Variants in WWOX observed in about 807,000 individuals in gnomAD.
WWOX encodes the protein WW domain-containing oxidoreductase.
WWOX carries 69 observed loss-of-function variants against 46.2 expected under a neutral mutation model. The ratio of observed to expected loss-of-function variants is 1.49; its 90% confidence interval spans 1.23 to 1.82. WWOX has a LOEUF of 1.82. Ranked by LOEUF, WWOX falls within the 40% of genes most tolerant of loss-of-function variation. The pLI is 0.00. For synonymous variants in WWOX, 359 were observed against 202.6 expected (o/e 1.77, Z -6.56); for missense variants, 919 against 542.6 (o/e 1.69, Z -6.89).
intron 8 of WWOX, among the ~76,000 whole-genome samples, chr16:78,845,163 G>A (rs1371262785): frequency 7.5e-6 from 1 of 133,778 alleles, no homozygotes. Flanking sequence ...AAATACCAAA[G>A]TACTTCTATG....
At chr16:78,853,694 C>T (rs115467847) in intron 8 of WWOX, among the ~76,000 whole-genome samples, 2 of 152,114 alleles carry the variant, frequency 1.3e-5, no homozygotes, top group East Asian at 3.9e-4. Context: ...GTAGTATGCA[C>T]TCTCCTGCGT....
At chr16:79,030,877 G>T (rs762353224) in intron 8 of WWOX, among the ~76,000 whole-genome samples, 5 of 152,036 alleles carry the variant, frequency 3.3e-5, no homozygotes, top group African/African-American at 9.7e-5. Context: ...GAGCCCAGGA[G>T]CTTAAGACCA....
chr16:78,346,870 A>G (rs1280152263), intron 5 of WWOX, among the ~76,000 whole-genome samples: 1 of 117,560 alleles, frequency 8.5e-6, no homozygotes, highest in South Asian at 2.6e-4. Flanking sequence ...ATGCCTGGCT[A>G]ATTTTTGTGT....
At chr16:78,210,613 C>T (rs1025870491) in intron 5 of WWOX, among the ~76,000 whole-genome samples, 1 of 152,176 alleles carries the variant, frequency 6.6e-6, no homozygotes, top group Non-Finnish European at 1.5e-5. Flanking sequence ...CTTAGTCACC[C>T]AAAACCTGTT....
chr16:78,422,908 T>C lies in WWOX; in HGVS notation c.606-1962T>C, dbSNP rs1354496451. Among the ~76,000 whole-genome samples, 16 of 147,722 alleles carry C rather than the reference T, an allele frequency of 1.1e-4. No homozygotes were observed. The East Asian group carries it at 3.2e-3, about 30-fold the overall frequency. On this transcript the variant is annotated intron_variant, in intron 6 of 8. Coordinates refer to ENST00000566780, the MANE Select transcript of WWOX (RefSeq NM_016373.4). ...ACATATATTTTTTTTTTCTTTTAGA[T>C]GGAGTGTCTCTCTGTTGCCCAGGCT... is the stretch of plus-strand genomic sequence containing the variant.
At chr16:79,105,669 T>G (rs993420522) in intron 8 of WWOX, among the ~76,000 whole-genome samples, 3 of 151,834 alleles carry the variant, frequency 2.0e-5, no homozygotes, top group South Asian at 2.1e-4. Context: ...TGTTTTTTTT[T>G]TTTTTGTTTG....
intron 8 of WWOX, among the ~76,000 whole-genome samples, chr16:79,009,078 G>A (rs1289926560): frequency 6.6e-6 from 1 of 152,218 alleles, no homozygotes; most frequent in Non-Finnish European, 1.5e-5. Context: ...GATCCACGGA[G>A]CTGGCAGAGG....
chr16:78,810,625 A>G (rs779732252), intron 8 of WWOX, among the ~76,000 whole-genome samples: 3 of 152,086 alleles, frequency 2.0e-5, no homozygotes, highest in East Asian at 1.9e-4. Context: ...ACCTCCCATT[A>G]TTTCTTCCGC....
chr16:78,707,531 C>G (rs971883200), intron 8 of WWOX, among the ~76,000 whole-genome samples: 2 of 152,154 alleles, frequency 1.3e-5, no homozygotes, highest in African/African-American at 2.4e-5. Context: ...CTCTCTCTTG[C>G]CATATCAGGA....
intron 8 of WWOX, among the ~76,000 whole-genome samples, chr16:78,947,332 C>T (rs1332916664): frequency 2.0e-5 from 3 of 152,126 alleles, no homozygotes; most frequent in Admixed American, 2.0e-4. Context: ...TAGCTTCAAA[C>T]ACCATTTTTT....
intron 8 of WWOX, among the ~76,000 whole-genome samples, chr16:78,614,541 G>C (rs1240412668): frequency 6.6e-6 from 1 of 152,160 alleles, no homozygotes; most frequent in Non-Finnish European, 1.5e-5. Context: ...GCTGACCTTG[G>C]GGAGCAGATT....
intron 8 of WWOX, among the ~76,000 whole-genome samples, chr16:78,609,810 T>C (rs2548877): frequency 0.48 from 72,641 of 152,152 alleles, 20,067 homozygotes; most frequent in Admixed American, 0.61. Flanking sequence ...TTTCCAAAGC[T>C]ATCTGCTAAT....
At chr16:78,483,416 C>A (rs1479449881) in intron 8 of WWOX, among the ~76,000 whole-genome samples, 3 of 141,062 alleles carry the variant, frequency 2.1e-5, no homozygotes, top group African/African-American at 8.5e-5. Context: ...CCGGCATCTG[C>A]GTAGAATTTT....
At chr16:79,180,966 T>C (rs1363645592) in intron 8 of WWOX, among the ~76,000 whole-genome samples, 1 of 152,222 alleles carries the variant, frequency 6.6e-6, no homozygotes, top group East Asian at 1.9e-4. Context: ...TTTAATACAG[T>C]TGAGATCATA....
At chr16:79,110,317 TC>T (rs2049392874) in intron 8 of WWOX, among the ~76,000 whole-genome samples, 1 of 151,954 alleles carries the variant, frequency 6.6e-6, no homozygotes, top group South Asian at 2.1e-4. Context: ...TACCTTTTTC[TC>T]CCCGACATGC....
At chr16:78,458,151 G>A (rs1037600202) in intron 8 of WWOX, among the ~76,000 whole-genome samples, 6 of 151,740 alleles carry the variant, frequency 4.0e-5, no homozygotes, top group African/African-American at 1.5e-4. Context: ...TCCCTCAGAT[G>A]TGAAGGTGTG....
chr16:78,909,621 A>G (rs565975026), intron 8 of WWOX, among the ~76,000 whole-genome samples: 46 of 152,304 alleles, frequency 3.0e-4, no homozygotes, highest in Admixed American at 7.2e-4. Context: ...CTCCTCTTAG[A>G]TGAAAGTTCC....
chr16:78,650,902 T>C (rs1184405195), intron 8 of WWOX, among the ~76,000 whole-genome samples: 3 of 152,198 alleles, frequency 2.0e-5, no homozygotes, highest in Non-Finnish European at 2.9e-5. Flanking sequence ...CCATTGGAAA[T>C]GGAATAGAGA....
At chr16:78,743,774 G>A (rs1416633757) in intron 8 of WWOX, among the ~76,000 whole-genome samples, 2 of 152,118 alleles carry the variant, frequency 1.3e-5, no homozygotes, top group African/African-American at 2.4e-5. Context: ...CATTTGCATA[G>A]GAGTGTAACT....
Sources: gnomAD v4.1 joint callset for allele counts (sites outside exome capture counted in the v4.1 genomes callset) on GRCh38, gnomAD v4.1.1 for gene constraint, MANE v1.5 for transcripts, NCBI Gene and HGNC (gene_info 2026-07-23, HGNC 2026-07-21) for gene names.